LZTS1: variants seen among roughly 807,000 people sequenced by gnomAD.
LZTS1 encodes the protein leucine zipper tumor suppressor 1, also known as leucine zipper putative tumor suppressor 1.
LZTS1 carries 31 observed loss-of-function variants against 45.8 expected under a neutral mutation model. The ratio of observed to expected loss-of-function variants is 0.68; its 90% CI spans 0.51 to 0.91. LZTS1 has a LOEUF of 0.91. Ranked by LOEUF, LZTS1 falls within the 40% of genes least tolerant of loss-of-function variation. The pLI is 0.00. For missense variants in LZTS1, 821 were observed against 788.9 expected (o/e 1.04, Z -0.49); for synonymous variants, 359 against 357.3 (o/e 1.00, Z -0.05).
chr8:20,282,053 G>C (rs1419209915), intron 1 of LZTS1, among the ~76,000 whole-genome samples: 1 of 152,034 alleles, frequency 6.6e-6, no homozygotes, highest in Non-Finnish European at 1.5e-5. Context: ...TCTGAGTACT[G>C]CAATCCCACC....
intron 1 of LZTS1, 126 bp downstream of exon 1, chr8:20,303,610 CACAG>C (rs1237255573): frequency 6.3e-6 from 5 of 799,516 alleles, no homozygotes; most frequent in Admixed American, 6.2e-5. Flanking sequence ...CAGCCACGGA[CACAG>C]ACAGACAAAG....
intron 1 of LZTS1, among the ~76,000 whole-genome samples, chr8:20,267,213 C>A (rs1240668722): frequency 7.1e-6 from 1 of 141,834 alleles, no homozygotes; most frequent in Non-Finnish European, 1.6e-5. Flanking sequence ...GTCGGGTCCC[C>A]TGGTTTCTGG....
intron 1 of LZTS1, among the ~76,000 whole-genome samples, chr8:20,271,032 A>T (rs1357924110): frequency 6.6e-6 from 1 of 151,976 alleles, no homozygotes; most frequent in African/African-American, 2.4e-5. Context: ...AGCTTTGGGT[A>T]CCTGGCACTG....
At chr8:20,281,432 G>A (rs968641076) in intron 1 of LZTS1, among the ~76,000 whole-genome samples, 13 of 151,276 alleles carry the variant, frequency 8.6e-5, no homozygotes, top group Admixed American at 2.0e-4. Context: ...AATTAGCTGC[G>A]CATTGTGGTG....
intron 1 of LZTS1, among the ~76,000 whole-genome samples, chr8:20,299,342 C>T (rs2128900048): frequency 6.6e-6 from 1 of 152,208 alleles, no homozygotes; most frequent in East Asian, 1.9e-4. Flanking sequence ...TTCTGGCTCA[C>T]CTGCCTCCTG....
chr8:20,252,685 T>A, intron 3 of LZTS1, 97 bp downstream of exon 3: 2 of 1,124,110 alleles, frequency 1.8e-6, no homozygotes, highest in Non-Finnish European at 2.4e-6. Flanking sequence ...GCCTGCGCGG[T>A]CTGTGTTTGC....
At chr8:20,292,633 C>T (rs975811304) in intron 1 of LZTS1, among the ~76,000 whole-genome samples, 6 of 152,216 alleles carry the variant, frequency 3.9e-5, no homozygotes, top group Middle Eastern at 3.4e-3. Context: ...GTCCAGGGGC[C>T]CCTTTGATTG....
intron 2 of LZTS1, among the ~76,000 whole-genome samples, chr8:20,254,257 G>A (rs1214157239): frequency 6.6e-6 from 1 of 152,202 alleles, no homozygotes; most frequent in African/African-American, 2.4e-5. Flanking sequence ...GCTTGAGCTG[G>A]TGTGAGGGCT....
chr8:20,262,422 G>A (rs1341128463), intron 1 of LZTS1, among the ~76,000 whole-genome samples: 2 of 152,166 alleles, frequency 1.3e-5, no homozygotes, highest in Non-Finnish European at 2.9e-5. Flanking sequence ...AGGTGTGTGA[G>A]TGTGTGTTCA....
chr8:20,284,795 C>T (rs1342084568), intron 1 of LZTS1, among the ~76,000 whole-genome samples: 1 of 152,166 alleles, frequency 6.6e-6, no homozygotes, highest in African/African-American at 2.4e-5. Context: ...ACACAAAGGT[C>T]ATTCTAAACA....
chr8:20,301,651 A>G (rs1488406781), intron 1 of LZTS1, among the ~76,000 whole-genome samples: 1 of 152,158 alleles, frequency 6.6e-6, no homozygotes, highest in African/African-American at 2.4e-5. Flanking sequence ...GAGCCCATGT[A>G]TAGCTTTGCT....
rs1260553996 is a variant in LZTS1 at position 20,253,052 on chromosome 8, C to T, written c.879G>A (p.Leu293=). The part of the protein sequence containing the change: ...SFEEKELASS[L]AYEERPRRCR... ...AGCGCCGCGGCCGCTCCTCGTAGGC[C>T]AGGCTGGAGGCAAGCTCCTTCTCCT... Residue 293 remains leucine (L), a synonymous_variant, in exon 3 of 4, where the codon CTG becomes CTA. Coordinates refer to ENST00000381569, the MANE Select transcript of LZTS1 (RefSeq NM_021020.5). 2 of 1,606,412 alleles carry T rather than the reference C, an allele frequency of 1.2e-6. No individual in the cohort carries two copies.
At chr8:20,284,605 C>G (rs1357346848) in intron 1 of LZTS1, among the ~76,000 whole-genome samples, 3 of 152,056 alleles carry the variant, frequency 2.0e-5, no homozygotes, top group Non-Finnish European at 1.5e-5. Context: ...TGTACATTGT[C>G]CGTGGAGACC....
chr8:20,296,579 G>A (rs1800982731), intron 1 of LZTS1, among the ~76,000 whole-genome samples: 1 of 148,248 alleles, frequency 6.7e-6, no homozygotes, highest in South Asian at 2.2e-4. Flanking sequence ...CATCTTGGGA[G>A]TCTCTGAAGA....
chr8:20,292,999 C>T (rs959767207), intron 1 of LZTS1, among the ~76,000 whole-genome samples: 18 of 152,172 alleles, frequency 1.2e-4, no homozygotes, highest in African/African-American at 4.1e-4. Flanking sequence ...CTGGACCCAG[C>T]ATCTTGACCT....
intron 1 of LZTS1, among the ~76,000 whole-genome samples, chr8:20,272,339 C>T (rs2128896101): frequency 6.6e-6 from 1 of 152,256 alleles, no homozygotes; most frequent in East Asian, 1.9e-4. Flanking sequence ...CCCTCAAGGG[C>T]CTGTCTTGCT....
At chr8:20,265,897 C>G (rs542733975) in intron 1 of LZTS1, among the ~76,000 whole-genome samples, 1 of 152,252 alleles carries the variant, frequency 6.6e-6, no homozygotes, top group South Asian at 2.1e-4. Context: ...CATCATCTAA[C>G]TTTTCAGGGG....
chr8:20,282,507 C>T (rs1484538609), intron 1 of LZTS1, among the ~76,000 whole-genome samples: 5 of 152,232 alleles, frequency 3.3e-5, no homozygotes, highest in African/African-American at 1.2e-4. Flanking sequence ...AGGACTGTAA[C>T]GTAGCTCCTT....
chr8:20,259,578 C>A (rs1242609217), intron 1 of LZTS1, among the ~76,000 whole-genome samples: 1 of 152,120 alleles, frequency 6.6e-6, no homozygotes, highest in African/African-American at 2.4e-5. Context: ...GAGTACAATG[C>A]GGACTCCTCA....
Sources: allele counts gnomAD v4.1 joint callset (sites outside exome capture counted in the v4.1 genomes callset), GRCh38; gene constraint gnomAD v4.1.1; transcripts MANE v1.5; gene names NCBI Gene and HGNC (gene_info 2026-07-23, HGNC 2026-07-21).